GRID1: variants seen among roughly 807,000 people sequenced by gnomAD.
The protein encoded by GRID1 is glutamate ionotropic receptor delta type subunit 1, also known as glutamate receptor ionotropic, delta-1.
A neutral mutation model predicts 98.0 loss-of-function variants in GRID1; 28 were observed. The observed-to-expected ratio is 0.29, with a 90% confidence interval of 0.21 to 0.39. The LOEUF (loss-of-function observed/expected upper bound fraction) is 0.39, where lower values mean the gene tolerates loss of function less well. GRID1 is among the 10% of genes least tolerant of loss of function. The probability of loss-of-function intolerance (pLI) is 1.00; values close to 1 mark genes in which losing one functional copy is unlikely to be tolerated. For synonymous variants in GRID1, 553 were observed against 538.5 expected (o/e 1.03, Z -0.37); for missense variants, 1,111 against 1,340.5 (o/e 0.83, Z 2.67).
chr10:85,927,203 A>G (rs1022345757), intron 4 of GRID1, among the ~76,000 whole-genome samples: 2 of 152,202 alleles, frequency 1.3e-5, no homozygotes, highest in Non-Finnish European at 2.9e-5. Flanking sequence ...CTGGCACACA[A>G]ACTATGTCAG....
chr10:85,836,514 G>A (rs1445744283), intron 8 of GRID1, among the ~76,000 whole-genome samples: 1 of 152,210 alleles, frequency 6.6e-6, no homozygotes, highest in Non-Finnish European at 1.5e-5. Context: ...CTCACCACAG[G>A]CCTCTGGATT....
At chr10:85,876,777 A>T (rs1589283848) in intron 5 of GRID1, among the ~76,000 whole-genome samples, 1 of 152,194 alleles carries the variant, frequency 6.6e-6, no homozygotes, top group Non-Finnish European at 1.5e-5. Context: ...GATGCAGCGC[A>T]CCGTGTGCCA....
At chr10:86,100,578 G>A (rs963466034) in intron 4 of GRID1, among the ~76,000 whole-genome samples, 2 of 152,146 alleles carry the variant, frequency 1.3e-5, no homozygotes, top group Non-Finnish European at 2.9e-5. Context: ...GGCAAGCTGG[G>A]GGCTAAAGTT....
At chr10:85,822,937 G>A (rs1842786330) in intron 8 of GRID1, among the ~76,000 whole-genome samples, 1 of 152,128 alleles carries the variant, frequency 6.6e-6, no homozygotes, top group Non-Finnish European at 1.5e-5. Context: ...CTATTGCAAG[G>A]ACAAAAAACC....
Position 86,291,490 on chromosome 10 carries a change from A to ACCAGC in GRID1, c.235+72446_235+72450dup, listed in dbSNP as rs1015880538. On this transcript the variant is annotated intron_variant, in intron 2 of 15. Transcript: ENST00000327946. ...CTCACCCCACAGCAGCCTCGCCAGT[A>ACCAGC]CCAGCCCTGCCTCAGCCCAGGGGCA... Among the ~76,000 whole-genome samples the ACCAGC allele has an allele frequency of 4.8e-4, 73 of 152,274 alleles. 1 individual carries two copies. The highest frequency in any genetic ancestry group is 1.7e-3 in the African/African-American group (69 of 41,556).
intron 4 of GRID1, among the ~76,000 whole-genome samples, chr10:85,997,693 G>T (rs547517414): frequency 1.3e-5 from 2 of 151,974 alleles, no homozygotes; most frequent in African/African-American, 2.4e-5. Context: ...CAGAAAACAA[G>T]AAAAGGGAAG....
chr10:85,957,881 C>T (rs1842215334), intron 4 of GRID1, among the ~76,000 whole-genome samples: 1 of 152,252 alleles, frequency 6.6e-6, no homozygotes, highest in South Asian at 2.1e-4. Context: ...CATGGAAAGG[C>T]AGCCTCTGCA....
intron 8 of GRID1, among the ~76,000 whole-genome samples, chr10:85,838,482 C>A (rs1022687371): frequency 3.9e-5 from 6 of 152,102 alleles, no homozygotes; most frequent in African/African-American, 1.4e-4. Context: ...ATCCTACAAG[C>A]CAGAAGAAAT....
At chr10:85,941,111 A>G (rs1841992917) in intron 4 of GRID1, among the ~76,000 whole-genome samples, 1 of 152,192 alleles carries the variant, frequency 6.6e-6, no homozygotes, top group Non-Finnish European at 1.5e-5. Context: ...TTCCCACCTT[A>G]GGAGGGTTGG....
intron 4 of GRID1, among the ~76,000 whole-genome samples, chr10:86,077,417 A>G (rs974004561): frequency 6.6e-6 from 1 of 152,144 alleles, no homozygotes; most frequent in Admixed American, 6.5e-5. Flanking sequence ...CACACCCTGC[A>G]GTCTGCAGCA....
chr10:85,713,269 T>C (rs1049444798), intron 12 of GRID1, among the ~76,000 whole-genome samples: 1 of 151,706 alleles, frequency 6.6e-6, no homozygotes, highest in Admixed American at 6.6e-5. Flanking sequence ...GAGAACACTA[T>C]AAACAATTTT....
At chr10:85,865,914 T>TATATATATATATATATATATATATACAC (rs1843211023) in intron 6 of GRID1, among the ~76,000 whole-genome samples, 1 of 37,990 alleles carries the variant, frequency 2.6e-5, no homozygotes, top group Non-Finnish European at 6.2e-5. Flanking sequence ...CATATATACA[T>TATATATATATATATATATATATATACAC]ATATATATAT....
intron 8 of GRID1, among the ~76,000 whole-genome samples, chr10:85,787,288 C>T (rs142536042): frequency 2.5e-4 from 38 of 152,310 alleles, no homozygotes; most frequent in African/African-American, 8.7e-4. Context: ...CTGGTGCTGA[C>T]ATCCTCATTG....
intron 2 of GRID1, 130 bp downstream of exon 2, chr10:86,363,811 A>T: frequency 1.3e-6 from 1 of 755,794 alleles, no homozygotes. Context: ...GCCACCGCGC[A>T]TGGCACCGCG....
At position 85,933,285 on chromosome 10, in the gene GRID1, T is replaced by TAAAA. The variant is rs59704249; in HGVS notation, c.727-17050_727-17047dup. 7.8e-4 allele frequency among the ~76,000 whole-genome samples: 94 copies of TAAAA among 120,428 alleles called. 1 individual carries two copies. Among genetic ancestry groups the TAAAA allele is most frequent in the Admixed American group, 1.9e-3 (22 of 11,302 alleles). 79.0% of individuals were successfully genotyped at this position (120,428 alleles called of 152,430 possible). A position where few individuals can be genotyped will look rare whatever the true frequency, so the allele number is the denominator to read the frequency against. The stretch of plus-strand genomic sequence containing the variant: ...GTATAAGAAATAAATCTCTGTTCTT[T>TAAAA]AAAAAAAAAAAAAAAAAAAAAAAAA... On this transcript the variant is annotated intron_variant, in intron 4 of 15. Coordinates refer to ENST00000327946, the MANE Select transcript of GRID1 (RefSeq NM_017551.3).
chr10:86,277,838 CAAGT>C (rs1229796676), intron 2 of GRID1, among the ~76,000 whole-genome samples: 5 of 152,062 alleles, frequency 3.3e-5, no homozygotes, highest in African/African-American at 1.2e-4. Context: ...TAAAATGGTA[CAAGT>C]AAGTATATTC....
At chr10:86,021,397 G>T (rs1314214754) in intron 4 of GRID1, among the ~76,000 whole-genome samples, 2 of 152,100 alleles carry the variant, frequency 1.3e-5, no homozygotes, top group African/African-American at 4.8e-5. Context: ...TAATTGAACA[G>T]ATTTCTTTCC....
At chr10:85,936,950 T>C (rs1841934935) in intron 4 of GRID1, among the ~76,000 whole-genome samples, 1 of 152,236 alleles carries the variant, frequency 6.6e-6, no homozygotes, top group Non-Finnish European at 1.5e-5. Flanking sequence ...TTTTGTTTCC[T>C]AGATGTGGCC....
intron 4 of GRID1, among the ~76,000 whole-genome samples, chr10:86,022,810 C>A (rs1034348931): frequency 9.9e-5 from 15 of 151,606 alleles, no homozygotes; most frequent in Non-Finnish European, 1.9e-4. Flanking sequence ...CCCAGCTACT[C>A]TGGAGGCTGA....
Sources: allele counts gnomAD v4.1 joint callset (sites outside exome capture counted in the v4.1 genomes callset), GRCh38; gene constraint gnomAD v4.1.1; transcripts MANE v1.5; gene names NCBI Gene and HGNC (gene_info 2026-07-23, HGNC 2026-07-21).